The following RANBP2 variants were observed in gnomAD, a reference collection of about 807,000 sequenced individuals.
The protein encoded by RANBP2 is E3 SUMO-protein ligase RanBP2.
A neutral mutation model predicts 303.6 loss-of-function variants in RANBP2; 57 were observed. The observed-to-expected ratio is 0.19, with a 90% CI of 0.15 to 0.23. The LOEUF is 0.23. RANBP2 is among the 10% of genes least tolerant of loss of function. The probability of loss-of-function intolerance (pLI) is 1.00; values close to 1 mark genes in which losing one functional copy is unlikely to be tolerated. For missense variants in RANBP2, 3,138 were observed against 3,780.8 expected (o/e 0.83, Z 4.46); for synonymous variants, 1,167 against 1,301.5 (o/e 0.90, Z 2.23).
At chr2:108,982,670 T>C in the RANBP2 span, among the ~76,000 whole-genome samples, 1 of 152,344 alleles carries the variant, frequency 6.6e-6, no homozygotes, top group South Asian at 2.1e-4. Context: ...ATAATTTTCA[T>C]CTGGAAACCT....
At chr2:108,853,415 T>C in the RANBP2 span, among the ~76,000 whole-genome samples, 1 of 152,176 alleles carries the variant, frequency 6.6e-6, no homozygotes, top group Non-Finnish European at 1.5e-5. Context: ...GAAATCTATG[T>C]GTATTTTAAT....
chr2:109,401,813 C>T, the RANBP2 span, among the ~76,000 whole-genome samples: 1 of 152,220 alleles, frequency 6.6e-6, no homozygotes, highest in African/African-American at 2.4e-5. Context: ...CCTTTCTAAG[C>T]TCTCTGCAGT....
At chr2:108,776,430 TTC>T (rs1364942847) in intron 24 of RANBP2, among the ~76,000 whole-genome samples, 1 of 152,176 alleles carries the variant, frequency 6.6e-6, no homozygotes, top group African/African-American at 2.4e-5. Context: ...TGGTATTGCT[TTC>T]TCTCTTTTTC....
the RANBP2 span, among the ~76,000 whole-genome samples, chr2:109,101,120 C>T: frequency 1.3e-5 from 2 of 152,086 alleles, no homozygotes; most frequent in Admixed American, 6.6e-5. Context: ...GGGAGTGGCC[C>T]GAGTGGGAGG....
the RANBP2 span, among the ~76,000 whole-genome samples, chr2:109,686,576 G>A: frequency 3.3e-5 from 5 of 152,120 alleles, no homozygotes; most frequent in East Asian, 1.9e-4. Context: ...GCCTCCCAAC[G>A]TGCTGGGATT....
the RANBP2 span, among the ~76,000 whole-genome samples, chr2:109,019,125 C>T: frequency 1.3e-5 from 2 of 152,206 alleles, no homozygotes; most frequent in African/African-American, 2.4e-5. Context: ...GTTCAAATGC[C>T]GTCTCGGTAA....
At chr2:109,025,635 G>A in the RANBP2 span, among the ~76,000 whole-genome samples, 3 of 151,876 alleles carry the variant, frequency 2.0e-5, no homozygotes, top group South Asian at 4.2e-4. Context: ...GTGAAACCCC[G>A]TCTCTACTAA....
chr2:108,990,437 C>CAA, the RANBP2 span, among the ~76,000 whole-genome samples: 15,825 of 70,072 alleles, frequency 0.23, 2,627 homozygotes, highest in East Asian at 0.86. Context: ...GACTCCGTCT[C>CAA]AAAAAAAAAA....
chr2:109,490,888 T>C, the RANBP2 span: 21 of 1,527,444 alleles, frequency 1.4e-5, no homozygotes, highest in Admixed American at 3.8e-4. Flanking sequence ...CAAGCTCCGC[T>C]GTCCATGGCT....
At chr2:109,476,570 TC>T in the RANBP2 span, among the ~76,000 whole-genome samples, 2 of 152,150 alleles carry the variant, frequency 1.3e-5, no homozygotes, top group Admixed American at 6.5e-5. Context: ...CCTCTAAAGC[TC>T]TCGGGCTCTC....
chr2:108,802,959 C>A, the RANBP2 span, among the ~76,000 whole-genome samples: 1 of 152,180 alleles, frequency 6.6e-6, no homozygotes, highest in African/African-American at 2.4e-5. Context: ...TTGAACCAGC[C>A]TTGCATCCCA....
At chr2:109,184,629 C>T in the RANBP2 span, among the ~76,000 whole-genome samples, 7 of 152,250 alleles carry the variant, frequency 4.6e-5, no homozygotes, top group South Asian at 4.1e-4. Flanking sequence ...ATGGGCTTCC[C>T]AGAGAGTGAG....
the RANBP2 span, among the ~76,000 whole-genome samples, chr2:109,416,469 C>A: frequency 2.0e-5 from 3 of 152,168 alleles, no homozygotes; most frequent in African/African-American, 7.2e-5. Flanking sequence ...ACTGCAACTT[C>A]CGCCTCCTGG....
the RANBP2 span, among the ~76,000 whole-genome samples, chr2:109,193,076 G>T: frequency 6.6e-6 from 1 of 152,166 alleles, no homozygotes; most frequent in Admixed American, 6.5e-5. Context: ...TGGTTCAAAG[G>T]TGAGTAAATA....
At chr2:109,453,080 C>T in the RANBP2 span, among the ~76,000 whole-genome samples, 2 of 152,172 alleles carry the variant, frequency 1.3e-5, no homozygotes, top group East Asian at 1.9e-4. Context: ...CTGTTCCCTG[C>T]GTGGCCCGAT....
the RANBP2 span, among the ~76,000 whole-genome samples, chr2:109,302,990 C>T: frequency 6.6e-6 from 1 of 152,154 alleles, no homozygotes; most frequent in South Asian, 2.1e-4. Context: ...GATTCTCCTG[C>T]CTCAGCCTCC....
At chr2:109,516,648 C>A in the RANBP2 span, among the ~76,000 whole-genome samples, 1 of 152,118 alleles carries the variant, frequency 6.6e-6, no homozygotes, top group Non-Finnish European at 1.5e-5. Flanking sequence ...GAGGCGAGCC[C>A]GTGTCTGGCC....
the RANBP2 span, among the ~76,000 whole-genome samples, chr2:108,968,039 C>T: frequency 1.3e-5 from 2 of 152,174 alleles, no homozygotes; most frequent in African/African-American, 2.4e-5. Context: ...ATAGGACATG[C>T]GCCCACTGTC....
chr2:109,156,450 T>G, the RANBP2 span, among the ~76,000 whole-genome samples: 6 of 140,764 alleles, frequency 4.3e-5, no homozygotes, highest in Non-Finnish European at 3.1e-5. Context: ...AATTTTAAGG[T>G]TTTTTTTTTT....
Sources: gnomAD v4.1 joint callset for allele counts (sites outside exome capture counted in the v4.1 genomes callset) on GRCh38, gnomAD v4.1.1 for gene constraint, MANE v1.5 for transcripts, NCBI Gene and HGNC (gene_info 2026-07-23, HGNC 2026-07-21) for gene names.